The following GPX5 variants were observed in gnomAD, a reference collection of about 807,000 sequenced individuals.
GPX5 encodes glutathione peroxidase 5.
GPX5 carries 20 observed loss-of-function variants against 23.8 expected under a neutral mutation model. The observed-to-expected ratio is 0.84, with a 90% CI of 0.59 to 1.22. The LOEUF (loss-of-function observed/expected upper bound fraction) is 1.22, where lower values mean the gene tolerates loss of function less well. Among genes scored for constraint, GPX5 ranks in the 50% most tolerant of loss-of-function variants. The probability of loss-of-function intolerance (pLI) is 0.00; values close to 1 mark genes in which losing one functional copy is unlikely to be tolerated. For synonymous variants in GPX5, 92 were observed against 99.5 expected, an observed-to-expected ratio of 0.92 and a Z score of 0.45; for missense variants, 230 against 266.6, an observed-to-expected ratio of 0.86 and a Z score of 0.96.
intron 2 of GPX5, among the ~76,000 whole-genome samples, chr6:28,531,197 C>T (rs555501913): frequency 5.3e-5 from 7 of 132,720 alleles, no homozygotes; most frequent in African/African-American, 1.7e-4. Flanking sequence ...GGCGAAACCC[C>T]GTCTCTACTA....
At position 28,526,114 on chromosome 6, in the gene GPX5, A is replaced by G. The variant is rs1270698664; in HGVS notation, c.87+14A>G. ...GAGAAGATGAAGGTGAGTGAGCTTC[A>G]GAGAGGGCATGGTAGTTACTCTTCT... On this transcript the variant is annotated intron_variant, in intron 1 of 4. Coordinates refer to ENST00000412168, the MANE Select transcript of GPX5 (RefSeq NM_001509.3). 6.3e-7 allele frequency: 1 copy of G among 1,597,410 alleles called. No individual in the cohort carries two copies.
chr6:28,534,019 C>T lies in GPX5; in HGVS notation c.518C>T (p.Pro173Leu). ...ACATTCAAATCTATATCCTGGGACC[C>T]TGTAAAGGTCCATGACATCCGTTGG... ...LGTFKSISWD[P>L]VKVHDIRWNF... The change falls in exon 5 of 5, where the codon CCT (proline) becomes CTT (leucine). Residue 173 changes from proline to leucine, a missense_variant. Transcript: ENST00000412168. 1 of 1,610,258 alleles carries T rather than the reference C, an allele frequency of 6.2e-7. No homozygotes were observed. Among genetic ancestry groups the T allele is most frequent in the Non-Finnish European group, 8.5e-7 (1 of 1,178,166 alleles).
chr6:28,533,451 T>C (rs1763365191), intron 4 of GPX5, among the ~76,000 whole-genome samples: 1 of 152,232 alleles, frequency 6.6e-6, no homozygotes. Context: ...GTCTAACTTA[T>C]AGGACTTCCC....
At chr6:28,527,463 T>G (rs28382595) in intron 1 of GPX5, among the ~76,000 whole-genome samples, 10,247 of 152,242 alleles carry the variant, frequency 0.067, 404 homozygotes, top group African/African-American at 0.095. Context: ...TACAACCTAG[T>G]ATGCTGGTGA....
chr6:28,526,143 C>T, intron 1 of GPX5, 43 bp downstream of exon 1: 1 of 1,415,698 alleles, frequency 7.1e-7, no homozygotes, highest in Non-Finnish European at 1.0e-6. Flanking sequence ...CTCTTCTGTC[C>T]TACTTCTAGA....
Position 28,531,820 on chromosome 6 carries a change from T to C in GPX5, c.284T>C (p.Val95Ala). 1.2e-6 allele frequency: 2 copies of C among 1,613,620 alleles called. No individual in the cohort carries two copies. The highest frequency in any genetic ancestry group is 1.7e-6 in the Non-Finnish European group (2 of 1,179,804). ...LQEELKPYGLVVLGFPCNQFG... is the reference protein window; with the variant it reads ...LQEELKPYGLAVLGFPCNQFG... ...GAGGAGCTGAAGCCCTATGGTCTAG[T>C]TGTGTTGGGCTTTCCCTGCAACCAA... The change falls in exon 3 of 5, where the codon GTT becomes GCT. Residue 95 changes from valine (V) to alanine (A), a missense_variant. By Grantham distance (64) the Val-to-Ala change is moderately conservative (BLOSUM62 0). Coordinates refer to ENST00000412168, the MANE Select transcript of GPX5 (RefSeq NM_001509.3).
At position 28,534,623 on chromosome 6, in the gene GPX5, T is replaced by G. The variant is rs1433499334; in HGVS notation, c.*456T>G. The G allele has an allele frequency of 6.4e-6, 1 of 155,062 alleles. No individual in the cohort carries two copies. The highest frequency in any genetic ancestry group is 1.4e-5 in the Non-Finnish European group (1 of 70,084). The allele number at this position is 155,062 out of a possible 1,614,324, so 9.6% of individuals were successfully genotyped here. ...GTTCCACTTCATAACATTTTTTGTC[T>G]CCTAGGACAAACGTGTATCATCAGT... On this transcript the variant is annotated 3_prime_UTR_variant, in exon 5 of 5. Transcript: ENST00000412168.
chr6:28,529,407 G>T (rs1763269650), intron 1 of GPX5, 44 bp from the exon 2 acceptor site: 1 of 1,485,480 alleles, frequency 6.7e-7, no homozygotes, highest in Non-Finnish European at 9.2e-7. Flanking sequence ...ACAGATGCCA[G>T]GAATTATTGT....
rs535658730 is a variant in GPX5, at chr6:28,531,182, A to G, written c.242-596A>G. ...AGAGGAGAGAAGCTCAGTCCTGGCT[A>G]ACATGGCGAAACCCCGTCTCTACTA... On this transcript the variant is annotated intron_variant, in intron 2 of 4. Coordinates refer to ENST00000412168, the MANE Select transcript of GPX5 (RefSeq NM_001509.3). 3.8e-5 allele frequency among the ~76,000 whole-genome samples: 5 copies of G among 133,148 alleles called. 1 individual carries two copies. In the South Asian group the frequency reaches 1.1e-3, roughly 29 times the overall value. The allele number at this position is 133,148 out of a possible 152,430, so 87.4% of individuals were successfully genotyped here.
chr6:28,533,156 G>T (rs1230011778), intron 4 of GPX5, among the ~76,000 whole-genome samples: 3 of 151,238 alleles, frequency 2.0e-5, no homozygotes, highest in Non-Finnish European at 4.4e-5. Flanking sequence ...CAAACCAACA[G>T]GTATGATACA....
intron 4 of GPX5, 51 bp from the exon 5 acceptor site, chr6:28,533,910 C>A: frequency 8.2e-7 from 1 of 1,226,316 alleles, no homozygotes; most frequent in Non-Finnish European, 1.1e-6. Context: ...TAGCCTGGAT[C>A]ATCCAGGAGC....
At chr6:28,531,384 AAAAAAAAAAGAAAAGAAAAG>A (rs1201133063) in intron 2 of GPX5, among the ~76,000 whole-genome samples, 7 of 136,012 alleles carry the variant, frequency 5.1e-5, no homozygotes, top group African/African-American at 2.0e-4. Context: ...AAAAAAAAAA[AAAAAAAAAAGAAAAGAAAAG>A]AAAAGAAAAG....
chr6:28,534,911 G>A lies in GPX5; in HGVS notation c.*744G>A, dbSNP rs938206021. 2.0e-5 allele frequency: 3 copies of A among 152,194 alleles called. No individual in the cohort carries two copies. The highest frequency in any genetic ancestry group is 2.9e-5 in the Non-Finnish European group (2 of 68,072). The allele number at this position is 152,194 out of a possible 1,614,324, so 9.4% of individuals were successfully genotyped here. The stretch of plus-strand genomic sequence containing the variant: ...CCTGGATTCCTCACCTTCAGAACGA[G>A]CCCTGCCACTGTCTCCAATAAAATG... On this transcript the variant is annotated 3_prime_UTR_variant, in exon 5 of 5. Transcript: ENST00000412168.
rs376522815 is a variant in GPX5, at chr6:28,531,812, T to C, written c.276T>C (p.Tyr92=). The C allele has an allele frequency of 1.2e-6, 2 of 1,613,414 alleles. No individual in the cohort carries two copies. The highest frequency in any genetic ancestry group is 8.5e-7 in the Non-Finnish European group (1 of 1,179,716). Residue 92 remains tyrosine (Y), a synonymous_variant, in exon 3 of 5, where the codon TAT becomes TAC. Coordinates refer to ENST00000412168, the MANE Select transcript of GPX5 (RefSeq NM_001509.3). ...CACTCCAGGAGGAGCTGAAGCCCTA[T>C]GGTCTAGTTGTGTTGGGCTTTCCCT... The part of the protein sequence containing the change: ...LNALQEELKP[Y]GLVVLGFPCN...
At chr6:28,533,408 A>T (rs935468859) in intron 4 of GPX5, among the ~76,000 whole-genome samples, 1 of 152,204 alleles carries the variant, frequency 6.6e-6, no homozygotes, top group African/African-American at 2.4e-5. Flanking sequence ...AACAAAAAAG[A>T]ACAGTGTGGG....
chr6:28,531,727 C>T (rs1562010593), intron 2 of GPX5, 51 bp from the exon 3 acceptor site: 1 of 1,211,030 alleles, frequency 8.3e-7, no homozygotes, highest in Non-Finnish European at 1.2e-6. Flanking sequence ...ATCATCCTTG[C>T]ACAAGGCAGA....
chr6:28,533,231 C>G (rs1468253655), intron 4 of GPX5, among the ~76,000 whole-genome samples: 1 of 152,160 alleles, frequency 6.6e-6, no homozygotes, highest in Non-Finnish European at 1.5e-5. Context: ...GCTGAAACAA[C>G]CCTAAAGATT....
intron 2 of GPX5, 76 bp downstream of exon 2, chr6:28,529,680 A>G: frequency 9.8e-7 from 1 of 1,019,908 alleles, no homozygotes; most frequent in South Asian, 2.1e-5. Flanking sequence ...ACTTGGAATT[A>G]TATTTTAATT....
At chr6:28,528,852 T>TGGTAC in intron 1 of GPX5, among the ~76,000 whole-genome samples, 1 of 11,086 alleles carries the variant, frequency 9.0e-5, no homozygotes, top group Non-Finnish European at 1.6e-4. Context: ...TATATATATA[T>TGGTAC]ATATATATAT....
Sources: allele counts gnomAD v4.1 joint callset (sites outside exome capture counted in the v4.1 genomes callset), GRCh38; gene constraint gnomAD v4.1.1; transcripts MANE v1.5; gene names NCBI Gene and HGNC (gene_info 2026-07-23, HGNC 2026-07-21).